Variants in NRG1 observed in about 807,000 individuals in gnomAD.
NRG1 encodes the protein pro-neuregulin-1, membrane-bound isoform.
Under a neutral mutation model 63.8 loss-of-function variants are expected in NRG1, and 18 were observed. The ratio of observed to expected loss-of-function variants is 0.28; its 90% confidence interval spans 0.19 to 0.42. NRG1 has a LOEUF of 0.42. NRG1 is among the 10% of genes least tolerant of loss of function. The probability of loss-of-function intolerance (pLI) is 1.00; values close to 1 mark genes in which losing one functional copy is unlikely to be tolerated. For missense variants in NRG1, 762 were observed against 814.7 expected, an observed-to-expected ratio of 0.94 and a Z score of 0.79; for synonymous variants, 302 against 301.3, an observed-to-expected ratio of 1.00 and a Z score of -0.02.
rs118024330 is a variant in NRG1, at chr8:31,771,726, A to G, written c.37+132295A>G. On this transcript the variant is annotated intron_variant, in intron 1 of 10. Transcript: ENST00000519301. The stretch of plus-strand genomic sequence containing the variant: ...AAGTCAAAGAATGGTGCATGGCTAT[A>G]GTTTCAGAATTATTTTCTCAGAGAG... Among the ~76,000 whole-genome samples the G allele has an allele frequency of 3.7e-4, 57 of 152,308 alleles. No individual in the cohort carries two copies. The East Asian group carries it at 0.011, about 28-fold the overall frequency.
At chr8:31,663,394 G>T (rs777164449) in intron 1 of NRG1, among the ~76,000 whole-genome samples, 1 of 152,110 alleles carries the variant, frequency 6.6e-6, no homozygotes, top group Non-Finnish European at 1.5e-5. Context: ...TGAGGAGTAG[G>T]TTGTGGAATC....
At chr8:32,141,742 C>T (rs1310483295) in intron 1 of NRG1, among the ~76,000 whole-genome samples, 1 of 151,442 alleles carries the variant, frequency 6.6e-6, no homozygotes, top group Non-Finnish European at 1.5e-5. Flanking sequence ...GATCAGCATA[C>T]ACATTCGTTC....
intron 1 of NRG1, among the ~76,000 whole-genome samples, chr8:32,578,638 G>A (rs1395770458): frequency 1.3e-5 from 2 of 151,956 alleles, no homozygotes; most frequent in Non-Finnish European, 1.5e-5. Flanking sequence ...CCATAAGGTT[G>A]GTTTGACCTA....
chr8:32,611,908 T>C (rs1396702593), intron 3 of NRG1, among the ~76,000 whole-genome samples: 1 of 152,096 alleles, frequency 6.6e-6, no homozygotes, highest in Non-Finnish European at 1.5e-5. Context: ...GCAAACATGT[T>C]ACATTCATAA....
chr8:31,775,750 G>A (rs1300879404), intron 1 of NRG1, among the ~76,000 whole-genome samples: 3 of 151,822 alleles, frequency 2.0e-5, no homozygotes, highest in Non-Finnish European at 4.4e-5. Context: ...GGGCATGATG[G>A]TGGGTGCCTG....
At chr8:31,654,895 T>C (rs1387790136) in intron 1 of NRG1, among the ~76,000 whole-genome samples, 1 of 152,212 alleles carries the variant, frequency 6.6e-6, no homozygotes, top group Non-Finnish European at 1.5e-5. Flanking sequence ...GAGCTATGAT[T>C]GCATCACTGC....
At chr8:32,510,097 A>AATAAT in intron 1 of NRG1, among the ~76,000 whole-genome samples, 1 of 139,132 alleles carries the variant, frequency 7.2e-6, no homozygotes, top group African/African-American at 2.6e-5. Context: ...TCCTAGACAA[A>AATAAT]AATAATAATA....
downstream of NRG1, among the ~76,000 whole-genome samples, chr8:32,771,328 G>T (rs1392524862): frequency 1.7e-5 from 2 of 115,222 alleles, no homozygotes; most frequent in African/African-American, 3.5e-5. Context: ...GTCTCGCTAT[G>T]TTGCCCAGGC....
intron 1 of NRG1, among the ~76,000 whole-genome samples, chr8:32,174,043 C>T (rs867029080): frequency 2.0e-5 from 3 of 151,730 alleles, no homozygotes; most frequent in Non-Finnish European, 2.9e-5. Flanking sequence ...ATACATTCTT[C>T]TCAGCACCAC....
intron 1 of NRG1, among the ~76,000 whole-genome samples, chr8:32,240,712 G>A (rs1470393169): frequency 6.6e-6 from 1 of 151,696 alleles, no homozygotes; most frequent in African/African-American, 2.4e-5. Context: ...TGATTCACAG[G>A]AAATTGTAAA....
chr8:32,044,931 A>AAAAAAAC (rs1491195459), intron 1 of NRG1, among the ~76,000 whole-genome samples: 1 of 131,566 alleles, frequency 7.6e-6, no homozygotes, highest in Non-Finnish European at 1.6e-5. Flanking sequence ...AAAAAAAAAA[A>AAAAAAAC]CACACACACA....
chr8:32,382,168 T>C (rs1810439068), intron 1 of NRG1, among the ~76,000 whole-genome samples: 1 of 152,316 alleles, frequency 6.6e-6, no homozygotes, highest in East Asian at 1.9e-4. Flanking sequence ...TCTAATCTTA[T>C]GCATGACAAT....
chr8:32,485,164 G>C (rs1381544041), intron 1 of NRG1, among the ~76,000 whole-genome samples: 2 of 147,768 alleles, frequency 1.4e-5, no homozygotes, highest in Non-Finnish European at 3.0e-5. Context: ...GCCTAGGCTG[G>C]AGTGTAATGG....
intron 1 of NRG1, among the ~76,000 whole-genome samples, chr8:32,266,003 G>A (rs949422253): frequency 1.3e-5 from 2 of 152,136 alleles, no homozygotes; most frequent in African/African-American, 2.4e-5. Context: ...TCAGGGACTT[G>A]AGCATTTGCA....
intron 1 of NRG1, among the ~76,000 whole-genome samples, chr8:32,196,191 A>G (rs963268280): frequency 3.3e-5 from 5 of 150,988 alleles, no homozygotes; most frequent in Admixed American, 2.7e-4. Context: ...CTTACAGTTT[A>G]CTAAACAAAT....
chr8:32,308,745 T>C (rs557539021), intron 1 of NRG1, among the ~76,000 whole-genome samples: 3 of 152,302 alleles, frequency 2.0e-5, no homozygotes, highest in South Asian at 2.1e-4. Flanking sequence ...CATTCTCTTA[T>C]AGACATGGCA....
chr8:32,443,808 C>T (rs6468103), intron 1 of NRG1, among the ~76,000 whole-genome samples: 49,173 of 149,786 alleles, frequency 0.33, 8,239 homozygotes, highest in African/African-American at 0.37. Context: ...TTTTCGAGAA[C>T]GCATTTCTAT....
At chr8:32,462,697 G>C (rs1242599748) in intron 1 of NRG1, among the ~76,000 whole-genome samples, 1 of 148,264 alleles carries the variant, frequency 6.7e-6, no homozygotes, top group Non-Finnish European at 1.5e-5. Context: ...TCTGCCTCCT[G>C]GGTTCAGATG....
chr8:31,776,058 G>T (rs909971603), intron 1 of NRG1, among the ~76,000 whole-genome samples: 1 of 152,122 alleles, frequency 6.6e-6, no homozygotes, highest in African/African-American at 2.4e-5. Context: ...AAGCCTGCCA[G>T]AAAGTGATTT....
Sources: allele counts gnomAD v4.1 joint callset (sites outside exome capture counted in the v4.1 genomes callset), GRCh38; gene constraint gnomAD v4.1.1; transcripts MANE v1.5; gene names NCBI Gene and HGNC (gene_info 2026-07-23, HGNC 2026-07-21).